The following FAXC variants were observed in gnomAD, a reference collection of about 807,000 sequenced individuals.
FAXC encodes the protein failed axon connections homolog.
FAXC carries 10 observed loss-of-function variants against 41.9 expected under a neutral mutation model. The ratio of observed to expected loss-of-function variants is 0.24; its 90% CI spans 0.15 to 0.41. FAXC has a LOEUF of 0.41. FAXC is among the 10% of genes least tolerant of loss of function. The pLI is 1.00. For synonymous variants in FAXC, 183 were observed against 183.8 expected (o/e 1.00, Z 0.03); for missense variants, 399 against 510.9 (o/e 0.78, Z 2.11).
rs170264 is a variant in FAXC at position 99,285,740 on chromosome 6, C to T, written c.941-4287G>A. Among the ~76,000 whole-genome samples, 970 of 152,218 alleles carry T rather than the reference C, an allele frequency of 6.4e-3. 8 individuals are homozygous for T. The highest frequency in any genetic ancestry group is 0.023 in the African/African-American group (949 of 41,542). On this transcript the variant is annotated intron_variant, in intron 5 of 5. Transcript: ENST00000389677. ...CTTGAGAGGATATTTATCAGAAAGC[C>T]GAATGCCCCCCTACCCAGAAGATAA...
rs779973938 is a variant in FAXC, at chr6:99,278,370, C to G, written c.*2794G>C. 2.0e-5 allele frequency: 3 copies of G among 152,142 alleles called. No homozygotes were observed. Among genetic ancestry groups the G allele is most frequent in the Non-Finnish European group, 4.4e-5 (3 of 68,022 alleles). 9.4% of individuals were successfully genotyped at this position (152,142 alleles called of 1,614,324 possible). A position where few individuals can be genotyped will look rare whatever the true frequency, so the allele number is the denominator to read the frequency against. On this transcript the variant is annotated 3_prime_UTR_variant, in exon 6 of 6. Transcript: ENST00000389677. ...TGACAGGAAAAAAAGAACGAATAGCCTATGGGTCTGTTGTCCAACCAAAAG... is the reference window on the plus strand; with the variant it reads ...TGACAGGAAAAAAAGAACGAATAGCGTATGGGTCTGTTGTCCAACCAAAAG...
intron 5 of FAXC, 101 bp downstream of exon 5, chr6:99,291,603 A>G (rs1771242936): frequency 1.2e-6 from 1 of 836,516 alleles, no homozygotes; most frequent in African/African-American, 1.7e-5. Flanking sequence ...CATAAAGCAC[A>G]CCCAAGACGA....
intron 1 of FAXC, among the ~76,000 whole-genome samples, chr6:99,344,094 C>T (rs994126522): frequency 2.0e-5 from 3 of 152,178 alleles, no homozygotes; most frequent in African/African-American, 7.2e-5. Context: ...GCCTAGATCT[C>T]TCCACCATCT....
chr6:99,307,515 G>A (rs1415298630), intron 4 of FAXC, among the ~76,000 whole-genome samples: 3 of 152,114 alleles, frequency 2.0e-5, no homozygotes, highest in African/African-American at 7.2e-5. Flanking sequence ...TGGAAGGGAA[G>A]TCAATATGGG....
intron 3 of FAXC, among the ~76,000 whole-genome samples, chr6:99,329,696 T>A (rs970092214): frequency 6.6e-6 from 1 of 152,078 alleles, no homozygotes; most frequent in African/African-American, 2.4e-5. Context: ...AACAAAGTTA[T>A]AAACAGAAAG....
At chr6:99,282,103 T>C (rs1437947193) in intron 5 of FAXC, among the ~76,000 whole-genome samples, 1 of 152,186 alleles carries the variant, frequency 6.6e-6, no homozygotes, top group Non-Finnish European at 1.5e-5. Flanking sequence ...AGTGGCAAGG[T>C]AGTTTATCCA....
intron 3 of FAXC, among the ~76,000 whole-genome samples, chr6:99,325,129 G>A (rs1414841287): frequency 2.7e-5 from 4 of 150,900 alleles, no homozygotes; most frequent in Admixed American, 2.6e-4. Flanking sequence ...TCAAAGGGGT[G>A]AAAAATATTT....
At chr6:99,292,149 G>A (rs1262023577) in intron 4 of FAXC, among the ~76,000 whole-genome samples, 1 of 152,138 alleles carries the variant, frequency 6.6e-6, no homozygotes, top group Admixed American at 6.5e-5. Context: ...TAAAGCCTGT[G>A]ATGCTTAAGA....
intron 3 of FAXC, among the ~76,000 whole-genome samples, chr6:99,329,056 T>C (rs775982333): frequency 5.1e-4 from 77 of 152,314 alleles, no homozygotes; most frequent in Non-Finnish European, 7.6e-4. Context: ...CCATGGCTCT[T>C]CACTCTCCAC....
At chr6:99,285,980 T>C (rs1771014886) in intron 5 of FAXC, among the ~76,000 whole-genome samples, 1 of 152,122 alleles carries the variant, frequency 6.6e-6, no homozygotes, top group Non-Finnish European at 1.5e-5. Context: ...AAGGCAGGAA[T>C]GTGGGTGAGA....
At chr6:99,331,297 G>A (rs1415392549) in intron 3 of FAXC, among the ~76,000 whole-genome samples, 1 of 152,130 alleles carries the variant, frequency 6.6e-6, no homozygotes, top group Non-Finnish European at 1.5e-5. Context: ...GACCCAAGCA[G>A]ATCCCCAAGC....
At chr6:99,322,385 G>A (rs954043409) in intron 4 of FAXC, among the ~76,000 whole-genome samples, 4 of 152,116 alleles carry the variant, frequency 2.6e-5, no homozygotes, top group Admixed American at 2.6e-4. Context: ...TATCCAGAAC[G>A]GCCTCTACCC....
chr6:99,274,359 C>A lies in FAXC; in HGVS notation c.*6805G>T, dbSNP rs1212860901. The A allele has an allele frequency of 6.6e-6, 1 of 151,956 alleles. No individual in the cohort carries two copies. The highest frequency in any genetic ancestry group is 1.5e-5 in the Non-Finnish European group (1 of 68,020). 9.4% of individuals were successfully genotyped at this position (151,956 alleles called of 1,614,324 possible). A position where few individuals can be genotyped will look rare whatever the true frequency, so the allele number is the denominator to read the frequency against. ...TTTTATTATTTTAGCAAGATGGCAC[C>A]ACCTAGAAAACTTTCAATTGCCTGA... On this transcript the variant is annotated 3_prime_UTR_variant, in exon 6 of 6. Transcript: ENST00000389677.
intron 3 of FAXC, among the ~76,000 whole-genome samples, chr6:99,324,480 G>A (rs1308974604): frequency 1.3e-5 from 2 of 152,172 alleles, no homozygotes; most frequent in Non-Finnish European, 1.5e-5. Context: ...CTTTACCTCA[G>A]TTTGTTCTCA....
At chr6:99,321,029 A>G (rs1339065292) in intron 4 of FAXC, among the ~76,000 whole-genome samples, 1 of 152,168 alleles carries the variant, frequency 6.6e-6, no homozygotes, top group Non-Finnish European at 1.5e-5. Context: ...TTTTCCCTAC[A>G]CTTTAATAAA....
chr6:99,336,333 C>A (rs557524018), intron 2 of FAXC, among the ~76,000 whole-genome samples: 1 of 151,952 alleles, frequency 6.6e-6, no homozygotes, highest in South Asian at 2.1e-4. Context: ...CCAGGAAACT[C>A]CTTGTGATCC....
At position 99,349,422 on chromosome 6, in the gene FAXC, T is replaced by A; in HGVS notation, c.-50A>T. ...CCTCCCAGGGCCCGCGCCGCCCGCA[T>A]GGGAAGGGGCCGGCGCGGCCCGGCG... is the stretch of plus-strand genomic sequence containing the variant. On this transcript the variant is annotated 5_prime_UTR_variant, in exon 1 of 6. It removes an upstream start codon present in the reference 5' UTR. Coordinates refer to ENST00000389677, the MANE Select transcript of FAXC (RefSeq NM_032511.4). 2 of 1,463,976 alleles carry A rather than the reference T, an allele frequency of 1.4e-6. No homozygotes were observed. Among genetic ancestry groups the A allele is most frequent in the Non-Finnish European group, 1.8e-6 (2 of 1,112,326 alleles). 90.7% of individuals were successfully genotyped at this position (1,463,976 alleles called of 1,614,324 possible). A position where few individuals can be genotyped will look rare whatever the true frequency, so the allele number is the denominator to read the frequency against.
intron 4 of FAXC, among the ~76,000 whole-genome samples, chr6:99,315,837 AC>A (rs958446921): frequency 3.6e-4 from 55 of 152,276 alleles, no homozygotes; most frequent in African/African-American, 1.2e-3. Flanking sequence ...ATATTTATTG[AC>A]CACCACTGGT....
rs779939184 is a variant in FAXC, at chr6:99,349,242, G to C, written c.131C>G (p.Ala44Gly). Reference protein sequence around the residue: ...EPFSFYGDIIAFPLQDYGGIM... With the variant: ...EPFSFYGDIIGFPLQDYGGIM... ...CCCACCGTAATCCTGCAAAGGGAAAGCGATGATGTCCCCATAAAAGGAGAA... is the reference window on the plus strand; with the variant it reads ...CCCACCGTAATCCTGCAAAGGGAAACCGATGATGTCCCCATAAAAGGAGAA... Residue 44 changes from alanine (A) to glycine (G), a missense_variant, in exon 1 of 6, where the codon GCT (alanine) becomes GGT (glycine). By Grantham distance (60) the Ala-to-Gly change is moderately conservative. Coordinates refer to ENST00000389677, the MANE Select transcript of FAXC (RefSeq NM_032511.4). The C allele has an allele frequency of 3.1e-6, 5 of 1,613,934 alleles. No homozygotes were observed. The Admixed American group carries it at 8.3e-5, about 27-fold the overall frequency.
Sources: allele counts gnomAD v4.1 joint callset (sites outside exome capture counted in the v4.1 genomes callset), GRCh38; gene constraint gnomAD v4.1.1; transcripts MANE v1.5; gene names NCBI Gene and HGNC (gene_info 2026-07-23, HGNC 2026-07-21).